The following XYLT1 variants were observed in gnomAD, a reference collection of about 807,000 sequenced individuals.
XYLT1 encodes the protein xylosyltransferase 1.
Under a neutral mutation model 91.3 loss-of-function variants are expected in XYLT1, and 36 were observed. The observed-to-expected ratio is 0.39, with a 90% CI of 0.30 to 0.52. The LOEUF (loss-of-function observed/expected upper bound fraction) is 0.52. Among genes scored for constraint, XYLT1 ranks in the 20% least tolerant of loss-of-function variants. The pLI is 0.68. For synonymous variants in XYLT1, 588 were observed against 532.0 expected (o/e 1.11, Z -1.45); for missense variants, 1,242 against 1,284.5 (o/e 0.97, Z 0.51).
rs370364034 is a variant in XYLT1, at chr16:17,358,092, A to T, written c.364-42T>A. On this transcript the variant is annotated intron_variant, in intron 1 of 11. Transcript: ENST00000261381. ...GAAAATGCACGTGAGGAGTGAAAAA[A>T]AGTTAACTTACTACCCCAGCATCTT... is the stretch of plus-strand genomic sequence containing the variant. The T allele has an allele frequency of 2.7e-5, 43 of 1,589,682 alleles. No individual in the cohort carries two copies. In the African/African-American group the frequency reaches 3.5e-4, roughly 13 times the overall value.
intron 3 of XYLT1, among the ~76,000 whole-genome samples, chr16:17,252,723 T>C (rs540082481): frequency 6.6e-6 from 1 of 152,050 alleles, no homozygotes; most frequent in South Asian, 2.1e-4. Flanking sequence ...GGTGGTGGGG[T>C]GAGGGGACAG....
chr16:17,320,080 T>C (rs1209924176), intron 2 of XYLT1, among the ~76,000 whole-genome samples: 1 of 152,210 alleles, frequency 6.6e-6, no homozygotes, highest in African/African-American at 2.4e-5. Flanking sequence ...GCCCACTCCA[T>C]TTGATCTGAC....
intron 2 of XYLT1, among the ~76,000 whole-genome samples, chr16:17,347,280 C>T (rs374177569): frequency 5.3e-5 from 8 of 152,174 alleles, no homozygotes; most frequent in Admixed American, 3.9e-4. Context: ...CTGGGGGCTA[C>T]CGGAAGGAGC....
chr16:17,340,983 G>C (rs1268675904), intron 2 of XYLT1, among the ~76,000 whole-genome samples: 1 of 152,186 alleles, frequency 6.6e-6, no homozygotes, highest in Non-Finnish European at 1.5e-5. Flanking sequence ...TCATTGGTTT[G>C]TCGAAGATTA....
chr16:17,132,839 G>A (rs916353311), intron 9 of XYLT1, among the ~76,000 whole-genome samples: 1 of 152,152 alleles, frequency 6.6e-6, no homozygotes, highest in Non-Finnish European at 1.5e-5. Flanking sequence ...GGAGGTGGAG[G>A]TTGCAGAGAT....
At chr16:17,350,034 C>T (rs1022780535) in intron 2 of XYLT1, among the ~76,000 whole-genome samples, 11 of 152,132 alleles carry the variant, frequency 7.2e-5, no homozygotes, top group Middle Eastern at 3.4e-3. Context: ...CCACCACACC[C>T]GGCTAATTTT....
At chr16:17,355,979 G>T (rs111705666) in intron 2 of XYLT1, among the ~76,000 whole-genome samples, 4,431 of 152,148 alleles carry the variant, frequency 0.029, 203 homozygotes, top group African/African-American at 0.1. Flanking sequence ...CCCCCAAAGT[G>T]CTGGGATACA....
chr16:17,190,976 C>G (rs951681095), intron 5 of XYLT1, among the ~76,000 whole-genome samples: 1 of 152,182 alleles, frequency 6.6e-6, no homozygotes, highest in African/African-American at 2.4e-5. Flanking sequence ...GTGCATACTT[C>G]AGAGTTGTTG....
At chr16:17,117,555 A>G (rs890555742) in intron 11 of XYLT1, 91 bp downstream of exon 11, 82 of 1,372,314 alleles carry the variant, frequency 6.0e-5, no homozygotes, top group Non-Finnish European at 7.9e-5. Context: ...TGCTTACCCT[A>G]TGTCTGAGCA....
chr16:17,301,560 T>C (rs1318760709), intron 2 of XYLT1, among the ~76,000 whole-genome samples: 1 of 152,100 alleles, frequency 6.6e-6, no homozygotes, highest in African/African-American at 2.4e-5. Flanking sequence ...AGGGTGATAA[T>C]GAAAGAAAGT....
rs779047982 is a variant in XYLT1, at chr16:17,467,886, ATCT to A, written c.363+2545_363+2547del. Among the ~76,000 whole-genome samples the A allele has an allele frequency of 5.9e-5, 9 of 152,062 alleles. No individual in the cohort carries two copies. In the East Asian group the frequency reaches 9.7e-4, roughly 16 times the overall value. ...CTGCAACAGAGCACTGAGCTAAAGC[ATCT>A]TCTTCTAAGCATGTGTCTAACCACC... On this transcript the variant is annotated intron_variant, in intron 1 of 11. Coordinates refer to ENST00000261381, the MANE Select transcript of XYLT1 (RefSeq NM_022166.4).
At chr16:17,372,445 T>C (rs2035547369) in intron 1 of XYLT1, among the ~76,000 whole-genome samples, 2 of 152,162 alleles carry the variant, frequency 1.3e-5, no homozygotes. Flanking sequence ...GGGGAAAGGG[T>C]GTTAGAGGGG....
chr16:17,379,761 TCTCA>T (rs1325031530), intron 1 of XYLT1, among the ~76,000 whole-genome samples: 49 of 117,728 alleles, frequency 4.2e-4, no homozygotes, highest in South Asian at 8.0e-4. Context: ...TCTCTCTCTC[TCTCA>T]CACACACACA....
At chr16:17,137,160 C>T (rs1010305691) in intron 8 of XYLT1, among the ~76,000 whole-genome samples, 6 of 152,112 alleles carry the variant, frequency 3.9e-5, no homozygotes, top group Non-Finnish European at 7.3e-5. Context: ...CTGCAGTGTA[C>T]TCTGCATTCA....
At chr16:17,137,889 A>ACAGCATGTCCCAACAGAGAATCATC (rs1305727865) in intron 8 of XYLT1, among the ~76,000 whole-genome samples, 3 of 152,206 alleles carry the variant, frequency 2.0e-5, no homozygotes, top group Non-Finnish European at 4.4e-5. Flanking sequence ...CATGCATGGG[A>ACAGCATGTCCCAACAGAGAATCATC]CAGCATGTCC....
intron 1 of XYLT1, among the ~76,000 whole-genome samples, chr16:17,447,518 G>A (rs949866531): frequency 7.9e-5 from 12 of 152,218 alleles, no homozygotes; most frequent in Admixed American, 6.5e-5. Context: ...CAGACATGCC[G>A]TCCTGCTGCT....
At chr16:17,309,425 G>C (rs1005035381) in intron 2 of XYLT1, among the ~76,000 whole-genome samples, 7 of 152,172 alleles carry the variant, frequency 4.6e-5, no homozygotes, top group Admixed American at 2.6e-4. Flanking sequence ...GGATGGAGGG[G>C]AGAGGGATCA....
intron 2 of XYLT1, chr16:17,338,464 G>A (rs1298868705): frequency 2.2e-6 from 1 of 456,478 alleles, no homozygotes; most frequent in East Asian, 6.9e-5. Flanking sequence ...CGCTTTGCCG[G>A]GCTGGCTGGA....
At chr16:17,379,751 T>TCA (rs1460172438) in intron 1 of XYLT1, among the ~76,000 whole-genome samples, 25 of 124,520 alleles carry the variant, frequency 2.0e-4, no homozygotes, top group Non-Finnish European at 2.8e-4. Flanking sequence ...TCTCTCTCTC[T>TCA]CTCTCTCTCT....
Sources: allele counts gnomAD v4.1 joint callset (sites outside exome capture counted in the v4.1 genomes callset), GRCh38; gene constraint gnomAD v4.1.1; transcripts MANE v1.5; gene names NCBI Gene and HGNC (gene_info 2026-07-23, HGNC 2026-07-21).